RNF150: variants seen among roughly 807,000 people sequenced by gnomAD.
RNF150 encodes ring finger protein 150.
RNF150 carries 24 observed loss-of-function variants against 39.3 expected under a neutral mutation model. The observed-to-expected ratio is 0.61, with a 90% confidence interval of 0.44 to 0.86. The LOEUF (loss-of-function observed/expected upper bound fraction) is 0.86. Ranked by LOEUF, RNF150 falls within the 40% of genes least tolerant of loss-of-function variation. RNF150 has a pLI of 0.00. For synonymous variants in RNF150, 255 were observed against 227.3 expected (o/e 1.12, Z -1.10); for missense variants, 502 against 587.8 (o/e 0.85, Z 1.51).
intron 5 of RNF150, among the ~76,000 whole-genome samples, chr4:140,919,693 G>C (rs1207384892): frequency 6.6e-6 from 1 of 151,174 alleles, no homozygotes; most frequent in Admixed American, 6.6e-5. Flanking sequence ...CTACCTTAAA[G>C]TTCATATGGA....
At chr4:140,987,963 T>G in intron 1 of RNF150, among the ~76,000 whole-genome samples, 1 of 152,140 alleles carries the variant, frequency 6.6e-6, no homozygotes, top group East Asian at 1.9e-4. Context: ...CAGACACTTC[T>G]CAAAAGAAGA....
chr4:141,137,887 G>T (rs928019799), upstream of RNF150, among the ~76,000 whole-genome samples: 1 of 152,132 alleles, frequency 6.6e-6, no homozygotes, highest in Non-Finnish European at 1.5e-5. Context: ...CAGCCAGGCA[G>T]CCCAGATAAG....
intron 1 of RNF150, among the ~76,000 whole-genome samples, chr4:141,086,050 ACAC>A (rs1738352156): frequency 6.6e-6 from 1 of 151,766 alleles, no homozygotes; most frequent in African/African-American, 2.4e-5. Context: ...ACACACACAC[ACAC>A]ACACACACAC....
intron 6 of RNF150, among the ~76,000 whole-genome samples, chr4:140,895,789 T>C (rs905479554): frequency 1.3e-5 from 2 of 152,226 alleles, no homozygotes; most frequent in African/African-American, 4.8e-5. Flanking sequence ...AAACCAATGG[T>C]AATTCTTTCA....
upstream of RNF150, among the ~76,000 whole-genome samples, chr4:141,136,049 C>A (rs1320378212): frequency 1.3e-5 from 2 of 152,110 alleles, no homozygotes; most frequent in Admixed American, 1.3e-4. Flanking sequence ...CTTTAAAACT[C>A]TTAAACTTAT....
intron 6 of RNF150, among the ~76,000 whole-genome samples, chr4:140,895,365 A>G (rs1040724336): frequency 1.3e-5 from 2 of 152,246 alleles, no homozygotes; most frequent in African/African-American, 4.8e-5. Flanking sequence ...TTATAAGCAT[A>G]GCTATGCATC....
intron 1 of RNF150, among the ~76,000 whole-genome samples, chr4:141,038,064 C>A (rs1560702740): frequency 6.6e-6 from 1 of 152,160 alleles, no homozygotes; most frequent in Non-Finnish European, 1.5e-5. Flanking sequence ...ATTTTGCATT[C>A]CCACTCTGAG....
chr4:141,057,503 G>A (rs1216626268), intron 1 of RNF150, among the ~76,000 whole-genome samples: 1 of 152,004 alleles, frequency 6.6e-6, no homozygotes, highest in Non-Finnish European at 1.5e-5. Flanking sequence ...CATCACTCGA[G>A]AATGTACACT....
chr4:141,118,952 G>A (rs1287064612), intron 1 of RNF150, among the ~76,000 whole-genome samples: 1 of 152,006 alleles, frequency 6.6e-6, no homozygotes, highest in Admixed American at 6.6e-5. Context: ...GTAGAAACAG[G>A]GTTTTGCCTT....
Position 141,132,621 on chromosome 4 carries a change from C to A in RNF150, c.188G>T (p.Gly63Val). Residue 63 changes from glycine (G) to valine (V), a missense_variant, in exon 1 of 7, where the codon GGC (glycine) becomes GTC (valine). Transcript: ENST00000515673. This position sits in a 1 kb window ranked among gnomAD's most constrained non-coding sequence, Gnocchi z 4.9. ...PDPGAGAAGG[G>V]GAELHTEKTE... is the part of the protein sequence containing the mutation. The stretch of plus-strand genomic sequence containing the variant: ...CTTCTCCGTGTGCAGCTCCGCGCCG[C>A]CGCCGCCCGCCGCCCCGGCCCCGGG... The A allele has an allele frequency of 6.5e-7, 1 of 1,546,912 alleles. No homozygotes were observed. The highest frequency in any genetic ancestry group is 8.7e-7 in the Non-Finnish European group (1 of 1,150,504).
chr4:140,865,216 A>G lies in RNF150; in HGVS notation c.*3045T>C, dbSNP rs1409353800. 2 of 152,218 alleles carry G rather than the reference A, an allele frequency of 1.3e-5. No individual in the cohort carries two copies. Among genetic ancestry groups the G allele is most frequent in the Non-Finnish European group, 2.9e-5 (2 of 68,032 alleles). The allele number at this position is 152,218 out of a possible 1,614,324, so 9.4% of individuals were successfully genotyped here. A position where few individuals can be genotyped will look rare whatever the true frequency, so the allele number is the denominator to read the frequency against. On this transcript the variant is annotated 3_prime_UTR_variant, in exon 7 of 7. Coordinates refer to ENST00000515673, the MANE Select transcript of RNF150 (RefSeq NM_020724.2). ...TTTACATTAGTGACATGTTGAAACA[A>G]TATTAGGTTAAAGTACATGATTAAA... is the stretch of plus-strand genomic sequence containing the variant.
chr4:141,188,872 A>G (rs1333512766), intron 1 of RNF150, among the ~76,000 whole-genome samples: 1 of 152,144 alleles, frequency 6.6e-6, no homozygotes, highest in Non-Finnish European at 1.5e-5. Context: ...CTTGAAGCCA[A>G]CTTCTGTCAA....
chr4:140,922,227 C>T (rs905543655), intron 5 of RNF150, among the ~76,000 whole-genome samples: 100 of 151,290 alleles, frequency 6.6e-4, no homozygotes, highest in Non-Finnish European at 1.2e-3. Context: ...ACCCCATCGT[C>T]TCAGCCCAAA....
rs1553935774 is a variant in RNF150 at position 141,000,087 on chromosome 4, G to GAAGAAGAAGAAGAAGA, written c.485-32215_485-32214insTCTTCTTCTTCTTCTT. 8.4e-5 allele frequency among the ~76,000 whole-genome samples: 3 copies of GAAGAAGAAGAAGAAGA among 35,902 alleles called. 1 individual carries two copies. The allele number at this position is 35,902 out of a possible 152,430, so 23.6% of individuals were successfully genotyped here. A position where few individuals can be genotyped will look rare whatever the true frequency, so the allele number is the denominator to read the frequency against. ...GAAGAAGAAGAAGAAGAAGAAGAAG[G>GAAGAAGAAGAAGAAGA]AGAAGAAGAAGAAGAAGAAGAGGAG... On this transcript the variant is annotated intron_variant, in intron 1 of 6. Transcript: ENST00000515673.
chr4:141,092,899 T>C (rs1738642489), intron 1 of RNF150, among the ~76,000 whole-genome samples: 1 of 151,884 alleles, frequency 6.6e-6, no homozygotes, highest in African/African-American at 2.4e-5. Context: ...AAACATCTCT[T>C]GTAAAACATG....
At chr4:141,069,560 T>C (rs1463354796) in intron 1 of RNF150, among the ~76,000 whole-genome samples, 2 of 149,644 alleles carry the variant, frequency 1.3e-5, no homozygotes, top group South Asian at 4.4e-4. Flanking sequence ...GCTATCAGAA[T>C]GATGCTGGCC....
chr4:141,170,379 A>G (rs1727693249), intron 1 of RNF150, among the ~76,000 whole-genome samples: 1 of 152,198 alleles, frequency 6.6e-6, no homozygotes, highest in South Asian at 2.1e-4. Context: ...GAATCACCAC[A>G]TAATGTTTGA....
chr4:140,979,874 C>T (rs1161919450), intron 1 of RNF150, among the ~76,000 whole-genome samples: 1 of 152,036 alleles, frequency 6.6e-6, no homozygotes, highest in African/African-American at 2.4e-5. Context: ...AAATGAATAA[C>T]TGGGTTAGCA....
At chr4:141,192,577 G>A (rs1466089482) in intron 1 of RNF150, among the ~76,000 whole-genome samples, 1 of 152,198 alleles carries the variant, frequency 6.6e-6, no homozygotes, top group African/African-American at 2.4e-5. Flanking sequence ...AGACACAACA[G>A]AGACTCTCAG....
Sources: allele counts gnomAD v4.1 joint callset (sites outside exome capture counted in the v4.1 genomes callset), GRCh38; gene constraint gnomAD v4.1.1; non-coding constraint Gnocchi (gnomAD v3.1); transcripts MANE v1.5; gene names NCBI Gene and HGNC (gene_info 2026-07-23, HGNC 2026-07-21).